The following TSBP1 variants were observed in gnomAD, a reference collection of about 807,000 sequenced individuals.
The protein encoded by TSBP1 is testis expressed basic protein 1.
In TSBP1, 56 loss-of-function variants were observed where a neutral mutation model predicts 68.8. That is an observed-to-expected ratio of 0.81 (90% CI 0.66 to 1.02). The LOEUF (loss-of-function observed/expected upper bound fraction) is 1.02. Ranked by LOEUF, TSBP1 falls within the 50% of genes least tolerant of loss-of-function variation. The probability of loss-of-function intolerance (pLI) is 0.00; values close to 1 mark genes in which losing one functional copy is unlikely to be tolerated. For synonymous variants in TSBP1, 171 were observed against 208.7 expected, an observed-to-expected ratio of 0.82 and a Z score of 1.56; for missense variants, 502 against 641.2, an observed-to-expected ratio of 0.78 and a Z score of 2.34.
intron 9 of TSBP1, among the ~76,000 whole-genome samples, chr6:32,344,990 G>A (rs1368050840): frequency 2.6e-5 from 4 of 151,968 alleles, no homozygotes. Context: ...CATGTAGCTA[G>A]GACTACAGGC....
At chr6:32,345,375 T>A (rs893564863) in intron 9 of TSBP1, among the ~76,000 whole-genome samples, 39 of 152,176 alleles carry the variant, frequency 2.6e-4, no homozygotes, top group African/African-American at 8.9e-4. Context: ...CAGTCTGAGT[T>A]AATTGGTTTA....
Position 32,357,168 on chromosome 6 carries a change from GA to G in TSBP1, c.218-1500del, listed in dbSNP as rs1772448404. On this transcript the variant is annotated intron_variant, in intron 6 of 22. Transcript: ENST00000612031. This position sits in a 1 kb window ranked among gnomAD's most constrained non-coding sequence, Gnocchi z 4.7. ...ATGTTAGGGGGACTGGAAAGTCAGA[GA>G]AATAGTCATTTGGGTTTATGAATTT... is the stretch of plus-strand genomic sequence containing the variant. Among the ~76,000 whole-genome samples the G allele has an allele frequency of 6.6e-6, 1 of 151,900 alleles. No individual in the cohort carries two copies. Among genetic ancestry groups the G allele is most frequent in the African/African-American group, 2.4e-5 (1 of 41,324 alleles).
intron 6 of TSBP1, 38 bp downstream of exon 6, chr6:32,366,129 T>C: frequency 6.3e-7 from 1 of 1,598,066 alleles, no homozygotes; most frequent in African/African-American, 1.3e-5. Flanking sequence ...GAAGCCTGAT[T>C]TTCCTTTAAT....
At chr6:32,339,964 C>T (rs1350159178) in intron 9 of TSBP1, among the ~76,000 whole-genome samples, 1 of 152,146 alleles carries the variant, frequency 6.6e-6, no homozygotes, top group Non-Finnish European at 1.5e-5. Flanking sequence ...AAGAAATATT[C>T]AGTAACTATA....
chr6:32,369,243 A>T (rs1774109014), intron 2 of TSBP1, among the ~76,000 whole-genome samples: 1 of 151,200 alleles, frequency 6.6e-6, no homozygotes, highest in African/African-American at 2.4e-5. Flanking sequence ...TTTATATAAT[A>T]CTAGATACTG....
Position 32,365,744 on chromosome 6 carries a change from CTG to C in TSBP1, c.217+421_217+422del. 2 of 406,568 alleles carry C rather than the reference CTG, an allele frequency of 4.9e-6. No homozygotes were observed. The highest frequency in any genetic ancestry group is 9.8e-6 in the Non-Finnish European group (2 of 204,268). The allele number at this position is 406,568 out of a possible 1,614,324, so 25.2% of individuals were successfully genotyped here. On this transcript the variant is annotated intron_variant, in intron 6 of 22. Coordinates refer to ENST00000612031, the Ensembl canonical transcript of TSBP1. This position sits in a 1 kb window ranked among gnomAD's most constrained non-coding sequence, Gnocchi z 4.3. ...GAGGAGTGATGTGGGTAAAGTGAAA[CTG>C]TTCTTCTTACCCTCTTTAATACATC... is the stretch of plus-strand genomic sequence containing the variant.
At chr6:32,346,009 T>TACTCACCATCCAAAGACAA (rs1401599566) in intron 9 of TSBP1, among the ~76,000 whole-genome samples, 1,437 of 47,946 alleles carry the variant, frequency 0.03, 315 homozygotes, top group Middle Eastern at 0.11. Context: ...CCTCATTTTT[T>TACTCACCATCCAAAGACAA]TTTTTTTTTT....
chr6:32,319,819 G>T (rs1296872713), intron 18 of TSBP1, among the ~76,000 whole-genome samples: 2 of 151,744 alleles, frequency 1.3e-5, no homozygotes, highest in Non-Finnish European at 2.9e-5. Flanking sequence ...ACTTTGTCTT[G>T]CTCATGGCTA....
At chr6:32,350,254 T>C in intron 8 of TSBP1, 1 of 450,092 alleles carries the variant, frequency 2.2e-6, no homozygotes, top group South Asian at 1.6e-5. Context: ...TTGTGCCCTA[T>C]GGAGATGAAG....
intron 22 of TSBP1, among the ~76,000 whole-genome samples, chr6:32,296,223 T>C (rs943383720): frequency 7.3e-5 from 11 of 151,016 alleles, no homozygotes; most frequent in Admixed American, 7.2e-4. Context: ...GTTTGAAAAA[T>C]TGGCATACAC....
intron 19 of TSBP1, among the ~76,000 whole-genome samples, chr6:32,309,932 T>G (rs1766211220): frequency 6.6e-6 from 1 of 152,210 alleles, no homozygotes; most frequent in South Asian, 2.1e-4. Flanking sequence ...TAACCATCAT[T>G]CTACTCTCTA....
chr6:32,331,682 C>G (rs1769033887), intron 15 of TSBP1, among the ~76,000 whole-genome samples: 1 of 152,146 alleles, frequency 6.6e-6, no homozygotes, highest in African/African-American at 2.4e-5. Context: ...AACATCTTAT[C>G]AATATCCTGC....
chr6:32,362,288 CAA>C (rs9257083), intron 6 of TSBP1, among the ~76,000 whole-genome samples: 1 of 101,312 alleles, frequency 9.9e-6, no homozygotes, highest in Non-Finnish European at 1.9e-5. Context: ...GACTCCGTCT[CAA>C]AAAAAAAAAA....
chr6:32,369,939 G>A, exon 2 of TSBP1: 1 of 1,612,258 alleles, frequency 6.2e-7, no homozygotes, highest in Non-Finnish European at 8.5e-7. Context: ...AAAATAGCCA[G>A]GATGGCAAGT....
intron 2 of TSBP1, among the ~76,000 whole-genome samples, chr6:32,369,692 T>C (rs1774172613): frequency 6.6e-6 from 1 of 152,178 alleles, no homozygotes; most frequent in South Asian, 2.1e-4. Flanking sequence ...TTGACATTAT[T>C]GATAATGTAA....
chr6:32,294,027 T>C (rs749334137), exon 23 of TSBP1: 1 of 1,608,072 alleles, frequency 6.2e-7, no homozygotes, highest in Admixed American at 1.7e-5. Context: ...ATGTAACCTG[T>C]TAATATAACT....
At chr6:32,312,321 G>A (rs1400766339) in intron 19 of TSBP1, among the ~76,000 whole-genome samples, 3 of 152,090 alleles carry the variant, frequency 2.0e-5, no homozygotes, top group Admixed American at 6.6e-5. Context: ...TTATAACAAC[G>A]GTGGGAATTA....
At position 32,306,851 on chromosome 6, in the gene TSBP1, C is replaced by T. The variant is rs1257431832; in HGVS notation, c.581-4222G>A. On this transcript the variant is annotated intron_variant, in intron 19 of 22. Transcript: ENST00000612031. This position sits in a 1 kb window ranked among gnomAD's most constrained non-coding sequence, Gnocchi z 5.1. The stretch of plus-strand genomic sequence containing the variant: ...ACTGTCATGTTTAATGTCAAGTGCT[C>T]AGGCAAAATAGATGATTTGGCTAGG... Among the ~76,000 whole-genome samples the T allele has an allele frequency of 6.6e-6, 1 of 152,038 alleles. No homozygotes were observed. The highest frequency in any genetic ancestry group is 1.5e-5 in the Non-Finnish European group (1 of 68,004).
chr6:32,333,613 G>A lies in TSBP1; in HGVS notation c.473-1559C>T, dbSNP rs1769313291. Among the ~76,000 whole-genome samples the A allele has an allele frequency of 1.3e-5, 2 of 152,146 alleles. No homozygotes were observed. Among genetic ancestry groups the A allele is most frequent in the African/African-American group, 4.8e-5 (2 of 41,430 alleles). On this transcript the variant is annotated intron_variant, in intron 14 of 22. Coordinates refer to ENST00000612031, the Ensembl canonical transcript of TSBP1. The surrounding 1 kb of genome is among the most constrained non-coding windows in gnomAD (Gnocchi z 4.2). ...TGTGGACACCTGCATAGATCATGGC[G>A]AGTACTACTCCCACAGCAGAGGGAT...
Sources: allele counts gnomAD v4.1 joint callset (sites outside exome capture counted in the v4.1 genomes callset), GRCh38; gene constraint gnomAD v4.1.1; non-coding constraint Gnocchi (gnomAD v3.1); transcripts MANE v1.5; gene names NCBI Gene and HGNC (gene_info 2026-07-23, HGNC 2026-07-21).